Variants in NEDD9 observed in about 807,000 individuals in gnomAD.
NEDD9 encodes enhancer of filamentation 1.
NEDD9 carries 26 observed loss-of-function variants against 76.6 expected under a neutral mutation model. The ratio of observed to expected loss-of-function variants is 0.34; its 90% CI spans 0.25 to 0.47. NEDD9 has a LOEUF of 0.47. NEDD9 is among the 20% of genes least tolerant of loss of function. NEDD9 has a pLI of 1.00. For missense variants in NEDD9, 937 were observed against 1,058.5 expected (o/e 0.89, Z 1.59); for synonymous variants, 392 against 414.2 (o/e 0.95, Z 0.65).
intron 2 of NEDD9, chr6:11,200,893 G>A (rs1321174068): frequency 5.0e-6 from 8 of 1,608,612 alleles, no homozygotes; most frequent in South Asian, 4.4e-5. Flanking sequence ...AGGAGATGAA[G>A]ATATTTATCC....
Position 11,219,452 on chromosome 6 carries a change from A to G in NEDD9, c.13-5725T>C, listed in dbSNP as rs556341896. ...TATTTGTCATGCAGGGGATCCTGCC[A>G]TGGCCTCAGGGTTGCCCCATTCTCA... On this transcript the variant is annotated intron_variant, in intron 1 of 6. Transcript: ENST00000379446. Among the ~76,000 whole-genome samples, 5 of 152,332 alleles carry G rather than the reference A, an allele frequency of 3.3e-5. No individual in the cohort carries two copies. The South Asian group carries it at 1.0e-3, about 32-fold the overall frequency.
intron 3 of NEDD9, among the ~76,000 whole-genome samples, chr6:11,254,547 G>C (rs1759968326): frequency 6.6e-6 from 1 of 152,144 alleles, no homozygotes; most frequent in Non-Finnish European, 1.5e-5. Context: ...ATTCTTTGGT[G>C]GTGATTTCTG....
chr6:11,215,691 T>C (rs1758933741), intron 1 of NEDD9, among the ~76,000 whole-genome samples: 1 of 152,184 alleles, frequency 6.6e-6, no homozygotes, highest in Non-Finnish European at 1.5e-5. Flanking sequence ...GTCTGTCCCT[T>C]TCTTCTGGGC....
In NEDD9 at chr6:11,213,682, C is replaced by G. The variant is rs1263322836; in HGVS notation, c.58G>C (p.Glu20Gln). The G allele has an allele frequency of 6.2e-7, 1 of 1,613,940 alleles. No homozygotes were observed. The highest frequency in any genetic ancestry group is 1.3e-5 in the African/African-American group (1 of 74,856). The stretch of plus-strand genomic sequence containing the variant: ...TCTCCCTTGCGAAAGGCCAGTTCCT[C>G]GGCACACTCTGGGACATTGTCATAT... ...ALYDNVPECA[E>Q]ELAFRKGDIL... Residue 20 changes from glutamate to glutamine, a missense_variant, in exon 2 of 7, where the codon GAG becomes CAG. Glu to Gln is a conservative substitution (Grantham distance 29). Transcript: ENST00000379446. This position sits in a 1 kb window ranked among gnomAD's most constrained non-coding sequence, Gnocchi z 5.4.
chr6:11,193,321 A>G (rs960692915), intron 3 of NEDD9, among the ~76,000 whole-genome samples: 1 of 151,274 alleles, frequency 6.6e-6, no homozygotes, highest in Admixed American at 6.6e-5. Context: ...AAAAAAAAAA[A>G]AAAGAAAAAA....
intron 3 of NEDD9, among the ~76,000 whole-genome samples, chr6:11,239,698 A>G (rs1438825183): frequency 1.3e-5 from 2 of 152,192 alleles, no homozygotes; most frequent in African/African-American, 2.4e-5. Context: ...CTCGTTAGCA[A>G]CAGTGTCCTA....
chr6:11,359,502 A>T (rs1427604556), intron 1 of NEDD9, among the ~76,000 whole-genome samples: 2 of 152,226 alleles, frequency 1.3e-5, no homozygotes, highest in African/African-American at 4.8e-5. Flanking sequence ...ATTCACATTA[A>T]TAGAGATAAC....
At chr6:11,322,670 T>G (rs552869756) in intron 2 of NEDD9, among the ~76,000 whole-genome samples, 1 of 152,202 alleles carries the variant, frequency 6.6e-6, no homozygotes, top group African/African-American at 2.4e-5. Context: ...AAGCACAGAA[T>G]AATGGAGTTC....
intron 1 of NEDD9, among the ~76,000 whole-genome samples, chr6:11,351,707 C>T (rs186015985): frequency 1.3e-5 from 2 of 152,358 alleles, no homozygotes; most frequent in African/African-American, 4.8e-5. Flanking sequence ...CCATGACTGT[C>T]CACTCTTCAT....
rs560318540 is a variant in NEDD9 at position 11,188,006 on chromosome 6, T to A, written c.1995+212A>T. ...TATGCAGGTTTAGCCTTTAAAAAAA[T>A]TGCCGTTTAGATGGAACCCAGGTAC... On this transcript the variant is annotated intron_variant, in intron 6 of 6. Coordinates refer to ENST00000379446, the MANE Select transcript of NEDD9 (RefSeq NM_006403.4). Among the ~76,000 whole-genome samples the A allele has an allele frequency of 3.3e-5, 5 of 152,286 alleles. No homozygotes were observed. In the South Asian group the frequency reaches 1.0e-3, roughly 32 times the overall value.
intron 2 of NEDD9, among the ~76,000 whole-genome samples, chr6:11,310,203 T>C (rs1283021295): frequency 6.6e-6 from 1 of 152,184 alleles, no homozygotes; most frequent in Non-Finnish European, 1.5e-5. Flanking sequence ...ATGGCACATC[T>C]GGCAGCATCT....
intron 2 of NEDD9, among the ~76,000 whole-genome samples, chr6:11,326,101 T>C (rs1406528724): frequency 6.6e-6 from 1 of 150,750 alleles, no homozygotes; most frequent in Non-Finnish European, 1.5e-5. Context: ...AACCGAGATC[T>C]TACCACTGTA....
chr6:11,232,408 A>T, intron 1 of NEDD9, 96 bp downstream of exon 1: 2 of 1,479,136 alleles, frequency 1.4e-6, no homozygotes, highest in Non-Finnish European at 1.9e-6. Context: ...TCCGGGACAC[A>T]CAAGGGACTG....
chr6:11,308,431 G>A (rs1761258493), intron 2 of NEDD9, among the ~76,000 whole-genome samples: 2 of 140,968 alleles, frequency 1.4e-5, no homozygotes, highest in South Asian at 2.3e-4. Context: ...GTGCAGTGGC[G>A]CAATCTCGGC....
chr6:11,376,682 A>T (rs1762972814), intron 1 of NEDD9, among the ~76,000 whole-genome samples: 1 of 152,256 alleles, frequency 6.6e-6, no homozygotes, highest in African/African-American at 2.4e-5. Context: ...AACAGAGTGT[A>T]AAAGTTTGTA....
At chr6:11,221,044 T>C (rs980120247) in intron 1 of NEDD9, among the ~76,000 whole-genome samples, 1 of 152,172 alleles carries the variant, frequency 6.6e-6, no homozygotes, top group African/African-American at 2.4e-5. Flanking sequence ...TCTTTTTCAC[T>C]CATCTGTGGT....
intron 2 of NEDD9, among the ~76,000 whole-genome samples, chr6:11,210,955 G>T (rs1312815642): frequency 2.0e-5 from 3 of 152,158 alleles, no homozygotes; most frequent in African/African-American, 7.2e-5. Context: ...AGGTGCCAGG[G>T]CCACCCTCTT....
At chr6:11,354,893 G>T (rs866061402) in intron 1 of NEDD9, among the ~76,000 whole-genome samples, 2 of 152,158 alleles carry the variant, frequency 1.3e-5, no homozygotes, top group South Asian at 4.1e-4. Flanking sequence ...GGGAGGATGC[G>T]GGTGTGTGGA....
chr6:11,300,463 C>T (rs892697431), intron 3 of NEDD9, among the ~76,000 whole-genome samples: 2 of 152,202 alleles, frequency 1.3e-5, no homozygotes, highest in African/African-American at 4.8e-5. Context: ...TGGAAAACTT[C>T]CTCAACCTAG....
Sources: allele counts gnomAD v4.1 joint callset (sites outside exome capture counted in the v4.1 genomes callset), GRCh38; gene constraint gnomAD v4.1.1; non-coding constraint Gnocchi (gnomAD v3.1); transcripts MANE v1.5; gene names NCBI Gene and HGNC (gene_info 2026-07-23, HGNC 2026-07-21).